Variants in PDE7B observed in about 807,000 individuals in gnomAD.
PDE7B encodes the protein phosphodiesterase 7B.
Under a neutral mutation model 56.2 loss-of-function variants are expected in PDE7B, and 29 were observed. The observed-to-expected ratio is 0.52, with a 90% confidence interval of 0.38 to 0.70. The LOEUF is 0.70. Among genes scored for constraint, PDE7B ranks in the 30% least tolerant of loss-of-function variants. PDE7B has a pLI of 0.00. For synonymous variants in PDE7B, 197 were observed against 196.9 expected, an observed-to-expected ratio of 1.00 and a Z score of 0.00; for missense variants, 490 against 565.0, an observed-to-expected ratio of 0.87 and a Z score of 1.35.
intron 1 of PDE7B, among the ~76,000 whole-genome samples, chr6:135,859,554 C>A (rs1775105229): frequency 1.3e-5 from 2 of 152,142 alleles, no homozygotes; most frequent in East Asian, 1.9e-4. Context: ...CCCTATAAAT[C>A]TCTTTTAATT....
rs1178998714 is a variant in PDE7B, at chr6:136,192,699, T to C, written c.*859T>C. ...GAGTATTATGGGATTGCTACCTGTA[T>C]AAACAATGGCACTGTGAAAATACTG... is the stretch of plus-strand genomic sequence containing the variant. On this transcript the variant is annotated 3_prime_UTR_variant, in exon 13 of 13. Coordinates refer to ENST00000308191, the MANE Select transcript of PDE7B (RefSeq NM_018945.4). The C allele has an allele frequency of 1.3e-5, 2 of 152,634 alleles. No individual in the cohort carries two copies. The highest frequency in any genetic ancestry group is 2.4e-5 in the African/African-American group (1 of 41,458). 9.5% of individuals were successfully genotyped at this position (152,634 alleles called of 1,614,324 possible). A position where few individuals can be genotyped will look rare whatever the true frequency, so the allele number is the denominator to read the frequency against.
chr6:135,858,486 ATTTC>A (rs1775080918), intron 1 of PDE7B, among the ~76,000 whole-genome samples: 1 of 151,378 alleles, frequency 6.6e-6, no homozygotes, highest in South Asian at 2.1e-4. Context: ...TTCTTCATTA[ATTTC>A]TTTCTTTGAC....
intron 1 of PDE7B, among the ~76,000 whole-genome samples, chr6:135,877,243 CCTTT>C (rs1266862057): frequency 6.6e-6 from 1 of 151,784 alleles, no homozygotes; most frequent in African/African-American, 2.4e-5. Flanking sequence ...TGATGGATTT[CCTTT>C]CTTTTTTATT....
chr6:136,150,161 A>C (rs1380110353), intron 5 of PDE7B, among the ~76,000 whole-genome samples: 5 of 152,222 alleles, frequency 3.3e-5, no homozygotes, highest in African/African-American at 1.2e-4. Context: ...AGATGCTACA[A>C]CTAGTTCAAA....
At chr6:135,949,072 G>T (rs1168797662) in intron 2 of PDE7B, among the ~76,000 whole-genome samples, 1 of 152,012 alleles carries the variant, frequency 6.6e-6, no homozygotes, top group Non-Finnish European at 1.5e-5. Flanking sequence ...ACAAGATGAG[G>T]TTGGTGCTAT....
intron 2 of PDE7B, among the ~76,000 whole-genome samples, chr6:135,981,178 G>A (rs1002744346): frequency 3.3e-5 from 5 of 150,374 alleles, no homozygotes; most frequent in African/African-American, 4.9e-5. Context: ...GTAAACTATC[G>A]CAAGAACAAA....
At chr6:135,951,985 G>T (rs972293398) in intron 2 of PDE7B, among the ~76,000 whole-genome samples, 1 of 152,302 alleles carries the variant, frequency 6.6e-6, no homozygotes, top group African/African-American at 2.4e-5. Context: ...AGAGGGACTT[G>T]CTTTGTAGCA....
At chr6:136,130,414 C>T (rs1228459144) in intron 3 of PDE7B, among the ~76,000 whole-genome samples, 1 of 152,184 alleles carries the variant, frequency 6.6e-6, no homozygotes, top group Non-Finnish European at 1.5e-5. Flanking sequence ...CATCTTGCCT[C>T]TATGCCATGT....
intron 2 of PDE7B, among the ~76,000 whole-genome samples, chr6:136,059,344 T>C (rs1776796883): frequency 6.6e-6 from 1 of 152,224 alleles, no homozygotes; most frequent in African/African-American, 2.4e-5. Flanking sequence ...AATTGCTTAA[T>C]AATTCCTCAA....
chr6:135,906,067 C>G (rs1776095923), intron 1 of PDE7B, among the ~76,000 whole-genome samples: 1 of 152,136 alleles, frequency 6.6e-6, no homozygotes, highest in African/African-American at 2.4e-5. Flanking sequence ...CCTTCTCTTT[C>G]TGGTTGCTTG....
At chr6:136,012,977 C>A (rs1211530119) in intron 2 of PDE7B, among the ~76,000 whole-genome samples, 1 of 152,140 alleles carries the variant, frequency 6.6e-6, no homozygotes, top group Non-Finnish European at 1.5e-5. Flanking sequence ...TCAAGGATTT[C>A]ATCCAATATA....
At chr6:135,907,616 T>C (rs1420203923) in intron 1 of PDE7B, among the ~76,000 whole-genome samples, 1 of 152,144 alleles carries the variant, frequency 6.6e-6, no homozygotes, top group African/African-American at 2.4e-5. Flanking sequence ...AAAAATTGAA[T>C]GTACAACATT....
intron 3 of PDE7B, among the ~76,000 whole-genome samples, chr6:136,111,427 G>A (rs1037281616): frequency 4.6e-5 from 7 of 152,128 alleles, no homozygotes; most frequent in African/African-American, 1.4e-4. Context: ...TTTGTGATAC[G>A]ATTTACCTCT....
chr6:135,855,081 G>A (rs1775001281), intron 1 of PDE7B, among the ~76,000 whole-genome samples: 1 of 152,218 alleles, frequency 6.6e-6, no homozygotes. Flanking sequence ...AATGAGCTGG[G>A]TGACTCTGAG....
At chr6:136,053,562 G>C (rs1488785725) in intron 2 of PDE7B, among the ~76,000 whole-genome samples, 2 of 151,970 alleles carry the variant, frequency 1.3e-5, no homozygotes, top group Non-Finnish European at 2.9e-5. Flanking sequence ...ATAATCCTTT[G>C]GGTATATACC....
intron 1 of PDE7B, among the ~76,000 whole-genome samples, chr6:135,924,121 C>A (rs7761806): frequency 0.4 from 60,205 of 152,016 alleles, 14,043 homozygotes; most frequent in African/African-American, 0.65. Flanking sequence ...TTTTCTAGAC[C>A]TGTGTTTTAC....
intron 11 of PDE7B, among the ~76,000 whole-genome samples, chr6:136,182,939 G>A (rs1180746427): frequency 1.3e-5 from 2 of 151,864 alleles, no homozygotes; most frequent in African/African-American, 2.4e-5. Context: ...CGGGCGTGGC[G>A]GCACAACCTG....
At chr6:136,047,844 A>G (rs1431927810) in intron 2 of PDE7B, among the ~76,000 whole-genome samples, 1 of 152,230 alleles carries the variant, frequency 6.6e-6, no homozygotes, top group African/African-American at 2.4e-5. Context: ...AAAGGATATT[A>G]TGACCTATTA....
chr6:135,920,439 T>C (rs6929273), intron 1 of PDE7B, among the ~76,000 whole-genome samples: 108,123 of 151,992 alleles, frequency 0.71, 38,892 homozygotes, highest in East Asian at 0.85. Context: ...GTTTTCAACA[T>C]CTAGGTATAC....
Sources: gnomAD v4.1 joint callset for allele counts (sites outside exome capture counted in the v4.1 genomes callset) on GRCh38, gnomAD v4.1.1 for gene constraint, MANE v1.5 for transcripts, NCBI Gene and HGNC (gene_info 2026-07-23, HGNC 2026-07-21) for gene names.